The following CEP152 variants were observed in gnomAD, a reference collection of about 807,000 sequenced individuals.
CEP152 encodes centrosomal protein 152.
CEP152 carries 132 observed loss-of-function variants against 188.9 expected under a neutral mutation model. The observed-to-expected ratio is 0.70, with a 90% CI of 0.61 to 0.81. The LOEUF (loss-of-function observed/expected upper bound fraction) is 0.81. Among genes scored for constraint, CEP152 ranks in the 30% least tolerant of loss-of-function variants. The pLI is 0.00. For missense variants in CEP152, 1,914 were observed against 1,969.8 expected (o/e 0.97, Z 0.54); for synonymous variants, 649 against 666.6 (o/e 0.97, Z 0.41).
chr15:48,732,200 T>C (rs1267584520), intron 2 of CEP152, among the ~76,000 whole-genome samples: 1 of 152,216 alleles, frequency 6.6e-6, no homozygotes, highest in Admixed American at 6.5e-5. Flanking sequence ...GTCAAAGGAT[T>C]ATGAATCAAT....
intron 1 of CEP152, among the ~76,000 whole-genome samples, chr15:48,808,563 A>G (rs1265105916): frequency 2.0e-5 from 3 of 152,172 alleles, no homozygotes; most frequent in Non-Finnish European, 4.4e-5. Flanking sequence ...TAGTTTGAAA[A>G]GATGCTTAAG....
chr15:48,803,304 G>A (rs1897787941), intron 2 of CEP152, among the ~76,000 whole-genome samples: 1 of 152,076 alleles, frequency 6.6e-6, no homozygotes, highest in Admixed American at 6.5e-5. Flanking sequence ...GCTGGGTCAG[G>A]AAGACTGAGA....
intron 20 of CEP152, among the ~76,000 whole-genome samples, chr15:48,753,958 G>T (rs1260414458): frequency 1.3e-5 from 2 of 151,928 alleles, no homozygotes; most frequent in Admixed American, 1.3e-4. Flanking sequence ...TAATTTCCAT[G>T]AACAATTTTT....
At chr15:48,788,578 C>A (rs1896811965) in intron 9 of CEP152, among the ~76,000 whole-genome samples, 1 of 151,698 alleles carries the variant, frequency 6.6e-6, no homozygotes, top group South Asian at 2.1e-4. Context: ...CTCCTGACCT[C>A]AGGTGATCCG....
intron 13 of CEP152, among the ~76,000 whole-genome samples, chr15:48,771,230 T>C (rs887459528): frequency 2.6e-5 from 4 of 151,948 alleles, no homozygotes; most frequent in African/African-American, 7.3e-5. Context: ...TTATTAGTCA[T>C]GTGTTTAGTT....
chr15:48,776,331 G>T (rs1895900855), intron 12 of CEP152, among the ~76,000 whole-genome samples: 1 of 152,094 alleles, frequency 6.6e-6, no homozygotes, highest in Non-Finnish European at 1.5e-5. Context: ...AACAGTGACA[G>T]ATCTAACTAT....
rs768313937 is a variant in CEP152, at chr15:48,739,233, ATCATT to A, written c.4144_4148del (p.Asn1382CysfsTer10). On this transcript the variant is annotated frameshift_variant, in exon 27 of 27. Coordinates refer to ENST00000380950, the MANE Select transcript of CEP152 (RefSeq NM_001194998.2). LOFTEE classifies it low-confidence loss of function (END_TRUNC). ...TACAACATGGTATTTTCTGATTCAC[ATCATT>A]TCTTTTTGATTTTTTAACTGCAATC... 8.1e-6 allele frequency: 13 copies of A among 1,613,556 alleles called. No homozygotes were observed. The Admixed American group carries it at 2.2e-4, about 27-fold the overall frequency.
chr15:48,796,188 A>G, intron 5 of CEP152, 28 bp from the exon 6 acceptor site: 1 of 1,612,026 alleles, frequency 6.2e-7, no homozygotes, highest in Non-Finnish European at 8.5e-7. Context: ...ACTGACAATT[A>G]AGATTTGGCC....
intron 2 of CEP152, among the ~76,000 whole-genome samples, chr15:48,798,948 A>G (rs2140912215): frequency 6.6e-6 from 1 of 152,304 alleles, no homozygotes; most frequent in African/African-American, 2.4e-5. Flanking sequence ...TCCCAATATA[A>G]TGTATTTCTT....
chr15:48,760,075 G>T, intron 19 of CEP152, 60 bp downstream of exon 19: 1 of 1,609,916 alleles, frequency 6.2e-7, no homozygotes, highest in Non-Finnish European at 8.5e-7. Flanking sequence ...CAAGGACTGA[G>T]ATAAGAGAAG....
At chr15:48,764,051 T>C (rs1369369893) in intron 17 of CEP152, among the ~76,000 whole-genome samples, 1 of 152,170 alleles carries the variant, frequency 6.6e-6, no homozygotes, top group East Asian at 1.9e-4. Flanking sequence ...ATAAAACTGG[T>C]GTGGTAACTG....
At position 48,796,081 on chromosome 15, in the gene CEP152, G is replaced by A. The variant is rs754777587; in HGVS notation, c.620C>T (p.Ser207Leu). 1.3e-4 allele frequency: 213 copies of A among 1,613,720 alleles called. No homozygotes were observed. The highest frequency in any genetic ancestry group is 1.6e-4 in the Non-Finnish European group (194 of 1,179,858). The change falls in exon 6 of 27, where the codon TCA becomes TTA. Residue 207 changes from serine (S) to leucine (L), a missense_variant. By Grantham distance (145) the Ser-to-Leu change is moderately radical. Transcript: ENST00000380950. ...PYQSSAQNNG[S>L]PAQEITGSDT... ...ACTTCCTGTTATCTCCTGGGCTGGT[G>A]AGCCATTATTCTGGGCAGAAGACTG... is the stretch of plus-strand genomic sequence containing the variant.
At chr15:48,802,218 T>G (rs1208762465) in intron 2 of CEP152, among the ~76,000 whole-genome samples, 2 of 152,246 alleles carry the variant, frequency 1.3e-5, no homozygotes, top group African/African-American at 4.8e-5. Context: ...CAAGAGCTTC[T>G]GAATTATTTT....
intron 2 of CEP152, chr15:48,729,115 G>C (rs1216873258): frequency 6.6e-6 from 1 of 152,142 alleles, no homozygotes; most frequent in Non-Finnish European, 1.5e-5. Context: ...TTAATGAATA[G>C]CTATTGGCTG....
chr15:48,785,950 T>A (rs1896603311), intron 9 of CEP152, among the ~76,000 whole-genome samples: 1 of 146,814 alleles, frequency 6.8e-6, no homozygotes, highest in South Asian at 2.2e-4. Flanking sequence ...ATGATAGAGA[T>A]GACAGCTGAA....
intron 9 of CEP152, 34 bp from the exon 10 acceptor site, chr15:48,784,154 A>T (rs765746024): frequency 2.5e-6 from 4 of 1,595,260 alleles, no homozygotes; most frequent in Non-Finnish European, 3.4e-6. Flanking sequence ...AGTCATTTTC[A>T]TAAAGAGTTT....
intron 1 of CEP152, among the ~76,000 whole-genome samples, chr15:48,809,774 T>C (rs1021644737): frequency 6.6e-6 from 1 of 152,240 alleles, no homozygotes; most frequent in African/African-American, 2.4e-5. Flanking sequence ...GTTTTATTAC[T>C]ATTATGACAT....
chr15:48,774,578 A>T (rs1239994789), intron 12 of CEP152, among the ~76,000 whole-genome samples: 1 of 152,250 alleles, frequency 6.6e-6, no homozygotes, highest in Non-Finnish European at 1.5e-5. Context: ...TCAAACCAGC[A>T]TATCAAAGAT....
chr15:48,763,720 T>C (rs971519014), intron 17 of CEP152, among the ~76,000 whole-genome samples: 3 of 152,266 alleles, frequency 2.0e-5, no homozygotes, highest in Non-Finnish European at 2.9e-5. Context: ...AGAATTCTTT[T>C]TTGTTTTCAT....
Sources: gnomAD v4.1 joint callset for allele counts (sites outside exome capture counted in the v4.1 genomes callset) on GRCh38, gnomAD v4.1.1 for gene constraint, MANE v1.5 for transcripts, NCBI Gene and HGNC (gene_info 2026-07-23, HGNC 2026-07-21) for gene names.